The following PASK variants were observed in gnomAD, a reference collection of about 807,000 sequenced individuals.
PASK encodes the protein PAS domain containing serine/threonine kinase, also known as PAS domain-containing serine/threonine-protein kinase.
PASK carries 110 observed loss-of-function variants against 121.0 expected under a neutral mutation model. The observed-to-expected ratio is 0.91, with a 90% confidence interval of 0.78 to 1.06. The LOEUF (loss-of-function observed/expected upper bound fraction) is 1.06. Among genes scored for constraint, PASK ranks in the 50% least tolerant of loss-of-function variants. PASK has a pLI of 0.00. For synonymous variants in PASK, 686 were observed against 717.8 expected, an observed-to-expected ratio of 0.96 and a Z score of 0.71; for missense variants, 1,643 against 1,702.3, an observed-to-expected ratio of 0.97 and a Z score of 0.61.
rs564671496 is a variant in PASK, at chr2:241,108,570, G to A, written c.3534-270C>T. 3.6e-4 allele frequency: 191 copies of A among 524,912 alleles called. No individual in the cohort carries two copies. Among genetic ancestry groups the A allele is most frequent in the South Asian group, 2.4e-3 (121 of 50,706 alleles). 32.5% of individuals were successfully genotyped at this position (524,912 alleles called of 1,614,324 possible). A position where few individuals can be genotyped will look rare whatever the true frequency, so the allele number is the denominator to read the frequency against. On this transcript the variant is annotated intron_variant, in intron 15 of 17. Transcript: ENST00000234040. This position sits in a 1 kb window ranked among gnomAD's most constrained non-coding sequence, Gnocchi z 5.2. ...TCCTTGTGGACACCAACCACAAGAC[G>A]TGTCTACCAGAGGGGGGAGCGGGGG...
intron 4 of PASK, among the ~76,000 whole-genome samples, chr2:241,139,203 T>C (rs2066585369): frequency 6.6e-6 from 1 of 152,348 alleles, no homozygotes; most frequent in African/African-American, 2.4e-5. Flanking sequence ...TGGGGTCTTC[T>C]GTGTGAAAGC....
intron 2 of PASK, 66 bp from the exon 3 acceptor site, chr2:241,140,819 G>A (rs1240519543): frequency 1.9e-6 from 2 of 1,056,336 alleles, no homozygotes; most frequent in East Asian, 5.0e-5. Context: ...TTCTGAAACA[G>A]GCAAAGCACA....
At chr2:241,132,527 TAAAAAA>T (rs71049553) in intron 9 of PASK, among the ~76,000 whole-genome samples, 27 of 39,532 alleles carry the variant, frequency 6.8e-4, no homozygotes, top group South Asian at 2.9e-3. Flanking sequence ...AGACTCTGTC[TAAAAAA>T]AAAAAAAAAA....
At position 241,108,596 on chromosome 2, in the gene PASK, G is replaced by A; in HGVS notation, c.3534-296C>T. 4 of 473,928 alleles carry A rather than the reference G, an allele frequency of 8.4e-6. No individual in the cohort carries two copies. In the East Asian group the frequency reaches 1.3e-4, roughly 15 times the overall value. 29.4% of individuals were successfully genotyped at this position (473,928 alleles called of 1,614,324 possible). A position where few individuals can be genotyped will look rare whatever the true frequency, so the allele number is the denominator to read the frequency against. ...TGTCTACCAGAGGGGGGAGCGGGGG[G>A]AGGGCTTCCTGGAGGAAGCAGAGTA... On this transcript the variant is annotated intron_variant, in intron 15 of 17. Transcript: ENST00000234040. This position sits in a 1 kb window ranked among gnomAD's most constrained non-coding sequence, Gnocchi z 5.2.
At chr2:241,140,096 A>T in intron 3 of PASK, 41 bp from the exon 4 acceptor site, 3 of 1,551,198 alleles carry the variant, frequency 1.9e-6, no homozygotes, top group Non-Finnish European at 2.7e-6. Context: ...AGACATCCCC[A>T]GCAGCTCCAC....
chr2:241,114,883 T>C, intron 14 of PASK, 160 bp downstream of exon 14: 1 of 1,526,386 alleles, frequency 6.6e-7, no homozygotes, highest in Non-Finnish European at 8.8e-7. Flanking sequence ...AATCATAGAA[T>C]TTTCTTCTCA....
chr2:241,137,291 T>C, intron 6 of PASK, 27 bp from the exon 7 acceptor site: 1 of 1,608,492 alleles, frequency 6.2e-7, no homozygotes, highest in Non-Finnish European at 8.5e-7. Flanking sequence ...TCGTTTGGCT[T>C]AAGCCGTGTT....
rs1444436896 is a variant in PASK at position 241,106,136 on chromosome 2, C to G, written c.*430G>C. 4.4e-6 allele frequency: 1 copy of G among 225,086 alleles called. No homozygotes were observed. The highest frequency in any genetic ancestry group is 8.8e-6 in the Non-Finnish European group (1 of 113,094). 13.9% of individuals were successfully genotyped at this position (225,086 alleles called of 1,614,324 possible). On this transcript the variant is annotated 3_prime_UTR_variant, in exon 18 of 18. Coordinates refer to ENST00000234040, the MANE Select transcript of PASK (RefSeq NM_015148.4). The stretch of plus-strand genomic sequence containing the variant: ...AACAAAGGTGCTTTAATTTGAAAAG[C>G]ATTTGAGGAAATAAATTAATGAAAT...
chr2:241,124,053 G>A lies in PASK; in HGVS notation c.2800C>T (p.His934Tyr), dbSNP rs1159016713. Residue 934 changes from histidine (H) to tyrosine (Y), a missense_variant, in exon 11 of 18, where the codon CAC becomes TAC. This residue lies in a region of PASK where 453 missense variants were observed against 511.2 expected (regional missense o/e 0.89). Coordinates refer to ENST00000234040, the MANE Select transcript of PASK (RefSeq NM_015148.4). ...CTGGCGGCTGAGTCGCGTTGGCTGT[G>A]GAGGAGGTCTTTCACCAGCCAGCAG... ...FCCWLVKDLL[H>Y]SQRDSAARTR... 1 of 1,613,576 alleles carries A rather than the reference G, an allele frequency of 6.2e-7. No homozygotes were observed. Among genetic ancestry groups the A allele is most frequent in the East Asian group, 2.2e-5 (1 of 44,882 alleles).
chr2:241,127,564 A>C, intron 9 of PASK, 113 bp from the exon 10 acceptor site: 1 of 921,380 alleles, frequency 1.1e-6, no homozygotes, highest in Non-Finnish European at 1.7e-6. Flanking sequence ...CCACCAATTT[A>C]TAACAAGAAA....
At chr2:241,110,884 G>C (rs530016985) in intron 15 of PASK, among the ~76,000 whole-genome samples, 3 of 152,200 alleles carry the variant, frequency 2.0e-5, no homozygotes, top group Non-Finnish European at 4.4e-5. Flanking sequence ...GATATTTCAC[G>C]CTGTTTGGTG....
chr2:241,148,020 C>A (rs1324913242), intron 1 of PASK, among the ~76,000 whole-genome samples: 1 of 152,196 alleles, frequency 6.6e-6, no homozygotes, highest in African/African-American at 2.4e-5. Context: ...CAAGAAAGAA[C>A]AGAGTCTGGC....
Position 241,106,414 on chromosome 2 carries a change from C to CT in PASK, c.*151dup. On this transcript the variant is annotated 3_prime_UTR_variant, in exon 18 of 18. Coordinates refer to ENST00000234040, the MANE Select transcript of PASK (RefSeq NM_015148.4). ...ATAAATCTAAAATAATACAGCATCACTGTCTTCTGTTCTGGTGTTTATCAA... is the reference window on the plus strand; with the variant it reads ...ATAAATCTAAAATAATACAGCATCACTTGTCTTCTGTTCTGGTGTTTATCAA... The CT allele has an allele frequency of 1.3e-6, 1 of 783,638 alleles. No individual in the cohort carries two copies. Among genetic ancestry groups the CT allele is most frequent in the African/African-American group, 1.7e-5 (1 of 58,692 alleles). 48.5% of individuals were successfully genotyped at this position (783,638 alleles called of 1,614,324 possible). A position where few individuals can be genotyped will look rare whatever the true frequency, so the allele number is the denominator to read the frequency against.
intron 12 of PASK, among the ~76,000 whole-genome samples, chr2:241,116,707 C>A (rs1182042345): frequency 1.3e-5 from 2 of 152,212 alleles, no homozygotes; most frequent in Non-Finnish European, 2.9e-5. Flanking sequence ...ATACCATTCA[C>A]AAAAGAAAGA....
chr2:241,138,521 A>T, intron 5 of PASK, 133 bp downstream of exon 5: 2 of 1,044,936 alleles, frequency 1.9e-6, no homozygotes, highest in Admixed American at 1.8e-5. Flanking sequence ...CGAGGGTACC[A>T]CTGGGCAGAC....
intron 1 of PASK, among the ~76,000 whole-genome samples, chr2:241,147,069 T>C (rs1046578678): frequency 1.3e-5 from 2 of 152,204 alleles, no homozygotes; most frequent in African/African-American, 4.8e-5. Flanking sequence ...ATGGGACCTT[T>C]AGTTACAGGT....
At chr2:241,127,515 A>T in intron 9 of PASK, 64 bp from the exon 10 acceptor site, 1 of 1,283,486 alleles carries the variant, frequency 7.8e-7, no homozygotes, top group East Asian at 2.3e-5. Flanking sequence ...GAGAGATTGC[A>T]CCGATTCTCC....
chr2:241,147,906 C>T (rs1212855200), intron 1 of PASK, among the ~76,000 whole-genome samples: 1 of 152,194 alleles, frequency 6.6e-6, no homozygotes, highest in African/African-American at 2.4e-5. Context: ...CATCCTTTTT[C>T]CCGCTGTGCC....
intron 15 of PASK, among the ~76,000 whole-genome samples, chr2:241,111,494 T>C (rs2310872): frequency 0.24 from 35,816 of 152,138 alleles, 6,596 homozygotes; most frequent in African/African-American, 0.5. Flanking sequence ...TTCATACACA[T>C]AGACACATTT....
Sources: gnomAD v4.1 joint callset for allele counts (sites outside exome capture counted in the v4.1 genomes callset) on GRCh38, gnomAD v4.1.1 for gene constraint, gnomAD v4.1.1 regional missense constraint, Gnocchi (gnomAD v3.1) non-coding constraint, MANE v1.5 for transcripts, NCBI Gene and HGNC (gene_info 2026-07-23, HGNC 2026-07-21) for gene names.